Variants in LYRM4 observed in about 807,000 individuals in gnomAD.
LYRM4 encodes LYR motif containing 4, also known as LYR motif-containing protein 4.
A neutral mutation model predicts 11.7 loss-of-function variants in LYRM4; 9 were observed. That is an observed-to-expected ratio of 0.77 (90% CI 0.46 to 1.34). The LOEUF (loss-of-function observed/expected upper bound fraction) is 1.34, where lower values mean the gene tolerates loss of function less well. LYRM4 is among the 40% of genes most tolerant of loss of function. LYRM4 has a pLI of 0.00. For missense variants in LYRM4, 133 were observed against 112.5 expected, an observed-to-expected ratio of 1.18 and a Z score of -0.82; for synonymous variants, 42 against 40.4, an observed-to-expected ratio of 1.04 and a Z score of -0.15.
intron 2 of LYRM4, among the ~76,000 whole-genome samples, chr6:5,176,066 A>AGTTTTTTT (rs140512571): frequency 6.8e-6 from 1 of 147,248 alleles, no homozygotes; most frequent in African/African-American, 2.5e-5. Context: ...TTACGCTATT[A>AGTTTTTTT]ATTTTTTTTT....
In LYRM4 at chr6:5,191,061, G is replaced by C. The variant is rs62385015; in HGVS notation, c.207+25557C>G. On this transcript the variant is annotated intron_variant, in intron 2 of 2. Coordinates refer to ENST00000330636, the MANE Select transcript of LYRM4 (RefSeq NM_020408.6). ...AGAATTTTTCCTAAGAGAAAATCAC[G>C]GATGTACATGAAGATATTTATGGCA... Among the ~76,000 whole-genome samples the C allele has an allele frequency of 6.0e-3, 914 of 151,958 alleles. 10 individuals carry two copies. The highest frequency in any genetic ancestry group is 0.043 in the South Asian group (208 of 4,802).
the LYRM4 span, among the ~76,000 whole-genome samples, chr6:5,036,416 G>T: frequency 1.3e-5 from 2 of 152,116 alleles, no homozygotes; most frequent in African/African-American, 4.8e-5. Flanking sequence ...GGCAACCTGG[G>T]CGTGGTTTCA....
At chr6:5,086,488 C>G in the LYRM4 span, 2 of 1,537,580 alleles carry the variant, frequency 1.3e-6, no homozygotes, top group South Asian at 2.4e-5. Flanking sequence ...CCGCTGCGCG[C>G]AGGGCGAGTA....
chr6:5,145,150 G>C (rs1757647636), intron 2 of LYRM4, among the ~76,000 whole-genome samples: 1 of 152,244 alleles, frequency 6.6e-6, no homozygotes, highest in Admixed American at 6.5e-5. Flanking sequence ...CAATCCATGT[G>C]TTGGCATTCC....
intron 2 of LYRM4, among the ~76,000 whole-genome samples, chr6:5,129,681 C>T (rs1488693433): frequency 6.6e-6 from 1 of 152,160 alleles, no homozygotes; most frequent in African/African-American, 2.4e-5. Flanking sequence ...TCACAGGTCT[C>T]GGGGATTAGG....
chr6:5,109,079 G>A lies in LYRM4; in HGVS notation c.*344C>T, dbSNP rs1561800907. ...TTATCTGGGGTCAAAGGCTCAGGGA[G>A]ATCATTCTTTTTATTGCCAAGGACC... On this transcript the variant is annotated 3_prime_UTR_variant, in exon 3 of 3. Transcript: ENST00000330636. The A allele has an allele frequency of 1.8e-5, 19 of 1,072,826 alleles. No individual in the cohort carries two copies. The South Asian group carries it at 4.7e-4, about 27-fold the overall frequency. 66.5% of individuals were successfully genotyped at this position (1,072,826 alleles called of 1,614,324 possible).
intron 1 of LYRM4, among the ~76,000 whole-genome samples, chr6:5,234,488 C>T (rs1194922933): frequency 6.6e-6 from 1 of 152,186 alleles, no homozygotes; most frequent in Non-Finnish European, 1.5e-5. Context: ...CAGGAGTATA[C>T]ACAGTGCTCT....
Position 5,109,472 on chromosome 6 carries a change from T to C in LYRM4, c.227A>G (p.Tyr76Cys), listed in dbSNP as rs769066206. The C allele has an allele frequency of 2.5e-6, 4 of 1,614,070 alleles. No individual in the cohort carries two copies. The highest frequency in any genetic ancestry group is 2.2e-5 in the East Asian group (1 of 44,880). Residue 76 changes from tyrosine to cysteine, a missense_variant, in exon 3 of 3, where the codon TAT (tyrosine) becomes TGT (cysteine). Transcript: ENST00000330636. ...IRRQVHIGQL[Y>C]STDKLIIENR... Reference sequence around the variant, plus strand: ...CTCAATGATCAGCTTGTCAGTTGAATACAGTTGGCCAATGTGGACCTGAAG... The same window carrying C: ...CTCAATGATCAGCTTGTCAGTTGAACACAGTTGGCCAATGTGGACCTGAAG...
chr6:5,043,868 C>G, the LYRM4 span, among the ~76,000 whole-genome samples: 1 of 152,174 alleles, frequency 6.6e-6, no homozygotes, highest in African/African-American at 2.4e-5. Context: ...TACCCCAGAG[C>G]CTGCTGAAAT....
At chr6:5,173,972 T>C (rs1581434822) in intron 2 of LYRM4, among the ~76,000 whole-genome samples, 1 of 152,128 alleles carries the variant, frequency 6.6e-6, no homozygotes, top group Non-Finnish European at 1.5e-5. Flanking sequence ...ACTGGGGGGC[T>C]TTGTTTCGAG....
At chr6:5,179,931 C>G (rs548380935) in intron 2 of LYRM4, among the ~76,000 whole-genome samples, 1 of 152,180 alleles carries the variant, frequency 6.6e-6, no homozygotes, top group African/African-American at 2.4e-5. Context: ...CTTACTGTGC[C>G]TAATCATAGG....
intron 1 of LYRM4, among the ~76,000 whole-genome samples, chr6:5,256,469 A>G (rs144739564): frequency 0.013 from 1,566 of 120,100 alleles, 67 homozygotes; most frequent in African/African-American, 0.047. Context: ...CAGCCTGGGC[A>G]ACAAGGGCAA....
chr6:5,064,423 C>T, the LYRM4 span, among the ~76,000 whole-genome samples: 1 of 152,074 alleles, frequency 6.6e-6, no homozygotes, highest in Non-Finnish European at 1.5e-5. Context: ...GTGGAAGGTA[C>T]AGCTTTCCCA....
the LYRM4 span, among the ~76,000 whole-genome samples, chr6:5,093,330 C>A: frequency 6.6e-6 from 1 of 152,210 alleles, no homozygotes. Flanking sequence ...AGTTCTGAGG[C>A]CAGGGGCTGT....
chr6:5,074,988 G>A, the LYRM4 span, among the ~76,000 whole-genome samples: 1 of 152,130 alleles, frequency 6.6e-6, no homozygotes, highest in Non-Finnish European at 1.5e-5. Flanking sequence ...CCTCCCAATA[G>A]GGAGTGAATT....
At chr6:5,122,353 A>G (rs1763496132) in intron 2 of LYRM4, among the ~76,000 whole-genome samples, 1 of 152,162 alleles carries the variant, frequency 6.6e-6, no homozygotes, top group South Asian at 2.1e-4. Context: ...GAGTTTCACA[A>G]TTTCCAGAGC....
chr6:5,065,116 C>T, the LYRM4 span, among the ~76,000 whole-genome samples: 1 of 152,164 alleles, frequency 6.6e-6, no homozygotes, highest in Non-Finnish European at 1.5e-5. Flanking sequence ...TAGAATCATA[C>T]AGTATATAGC....
intron 2 of LYRM4, among the ~76,000 whole-genome samples, chr6:5,157,910 G>A (rs1758510100): frequency 1.3e-5 from 2 of 152,238 alleles, no homozygotes; most frequent in East Asian, 1.9e-4. Context: ...GCCAGCAGCC[G>A]CCTCTGCACT....
chr6:5,068,100 C>T, the LYRM4 span, among the ~76,000 whole-genome samples: 9 of 152,334 alleles, frequency 5.9e-5, no homozygotes, highest in East Asian at 1.9e-4. This position sits in a 1 kb window ranked among gnomAD's most constrained non-coding sequence, Gnocchi z 4.0. Context: ...CTTGCCCACA[C>T]TCTGATTGAT....
Sources: gnomAD v4.1 joint callset for allele counts (sites outside exome capture counted in the v4.1 genomes callset) on GRCh38, gnomAD v4.1.1 for gene constraint, Gnocchi (gnomAD v3.1) non-coding constraint, MANE v1.5 for transcripts, NCBI Gene and HGNC (gene_info 2026-07-23, HGNC 2026-07-21) for gene names.